Variants in RABGAP1 observed in about 807,000 individuals in gnomAD.
RABGAP1 encodes RAB GTPase activating protein 1, also known as rab GTPase-activating protein 1.
Under a neutral mutation model 137.6 loss-of-function variants are expected in RABGAP1, and 23 were observed. The observed-to-expected ratio is 0.17, with a 90% CI of 0.12 to 0.24. RABGAP1 has a LOEUF of 0.24. Among genes scored for constraint, RABGAP1 ranks in the 10% least tolerant of loss-of-function variants. The probability of loss-of-function intolerance (pLI) is 1.00; values close to 1 mark genes in which losing one functional copy is unlikely to be tolerated. For missense variants in RABGAP1, 906 were observed against 1,275.8 expected, an observed-to-expected ratio of 0.71 and a Z score of 4.42; for synonymous variants, 451 against 450.7, an observed-to-expected ratio of 1.00 and a Z score of -0.01.
intron 12 of RABGAP1, among the ~76,000 whole-genome samples, chr9:123,019,530 G>A (rs1472514374): frequency 1.3e-5 from 2 of 151,980 alleles, no homozygotes; most frequent in African/African-American, 2.4e-5. Flanking sequence ...ACCTAGGCTG[G>A]TCCAGAACTC....
intron 13 of RABGAP1, among the ~76,000 whole-genome samples, chr9:123,040,253 T>C (rs756512014): frequency 2.8e-4 from 42 of 152,294 alleles, no homozygotes; most frequent in Middle Eastern, 3.4e-3. Context: ...CTGTTTTTTG[T>C]GGGGTACAAT....
intron 13 of RABGAP1, among the ~76,000 whole-genome samples, chr9:123,058,695 T>C (rs1358942620): frequency 6.6e-6 from 1 of 152,212 alleles, no homozygotes; most frequent in Non-Finnish European, 1.5e-5. Context: ...TACAGTATAG[T>C]TTTAAATAGA....
chr9:123,000,403 C>G (rs901582710), intron 10 of RABGAP1, among the ~76,000 whole-genome samples: 7 of 152,022 alleles, frequency 4.6e-5, no homozygotes, highest in African/African-American at 1.7e-4. Flanking sequence ...TTTTACTTTC[C>G]TTTGTAGCAA....
chr9:122,997,650 A>C (rs1248546055), intron 9 of RABGAP1, among the ~76,000 whole-genome samples: 2 of 151,950 alleles, frequency 1.3e-5, no homozygotes, highest in East Asian at 1.9e-4. Flanking sequence ...TACAGAGGTA[A>C]TCCATGCACA....
chr9:123,092,428 C>T (rs1232581334), intron 21 of RABGAP1, among the ~76,000 whole-genome samples: 1 of 152,106 alleles, frequency 6.6e-6, no homozygotes, highest in Non-Finnish European at 1.5e-5. Context: ...TTACCTCAGC[C>T]TTGAGAGAAC....
chr9:122,966,380 C>T (rs771686353), intron 2 of RABGAP1, among the ~76,000 whole-genome samples: 13 of 151,898 alleles, frequency 8.6e-5, no homozygotes, highest in Middle Eastern at 3.4e-3. Context: ...CAAAATTAGC[C>T]GGTCATGGTG....
At chr9:122,956,945 A>C in intron 1 of RABGAP1, 66 bp from the exon 2 acceptor site, 2 of 820,994 alleles carry the variant, frequency 2.4e-6, no homozygotes, top group Non-Finnish European at 3.3e-6. Flanking sequence ...TTGTGTAAGA[A>C]GTACAGTGTA....
chr9:123,002,598 A>G (rs548701446), intron 10 of RABGAP1, among the ~76,000 whole-genome samples: 9 of 151,770 alleles, frequency 5.9e-5, no homozygotes, highest in African/African-American at 1.9e-4. Context: ...AGAAGAATAT[A>G]TCTTTCTATG....
intron 13 of RABGAP1, among the ~76,000 whole-genome samples, chr9:123,050,746 T>G (rs1420064879): frequency 1.3e-5 from 2 of 152,184 alleles, no homozygotes; most frequent in Admixed American, 1.3e-4. Context: ...GGCTATGAGG[T>G]CCTGTATTAT....
At chr9:123,038,864 A>T (rs1463292732) in intron 13 of RABGAP1, among the ~76,000 whole-genome samples, 1 of 152,102 alleles carries the variant, frequency 6.6e-6, no homozygotes, top group African/African-American at 2.4e-5. Context: ...AAAGGGCATC[A>T]TATAGTAAAA....
intron 1 of RABGAP1, among the ~76,000 whole-genome samples, chr9:122,950,995 A>G (rs1327868179): frequency 1.3e-5 from 2 of 152,216 alleles, no homozygotes; most frequent in African/African-American, 4.8e-5. Context: ...TGGAAGTAAG[A>G]AATAATTCTT....
At chr9:122,973,727 C>A (rs1413845962) in intron 2 of RABGAP1, among the ~76,000 whole-genome samples, 1 of 151,938 alleles carries the variant, frequency 6.6e-6, no homozygotes, top group East Asian at 1.9e-4. Flanking sequence ...ACCTGATAAT[C>A]TGCTGGACGT....
rs1232037258 is a variant in RABGAP1, at chr9:122,986,273, T to G, written c.444T>G (p.Ser148Arg). 1.2e-6 allele frequency: 2 copies of G among 1,614,208 alleles called. No homozygotes were observed. The highest frequency in any genetic ancestry group is 2.2e-5 in the East Asian group (1 of 44,884). Residue 148 changes from serine to arginine, a missense_variant, in exon 4 of 26, where the codon AGT becomes AGG. By Grantham distance (110) the Ser-to-Arg change is moderately radical. This residue lies in a region of RABGAP1 where 331 missense variants were observed against 358.3 expected (regional missense o/e 0.92). Transcript: ENST00000373647. The part of the protein sequence containing the change: ...PVADEDSVVF[S>R]KLTYLGCASV... ...CCGATGAGGACAGCGTAGTTTTCAG[T>G]AAACTGACTTACTTAGGCTGTGCCT... is the stretch of plus-strand genomic sequence containing the variant.
chr9:122,965,491 C>G (rs2131660846), intron 2 of RABGAP1, among the ~76,000 whole-genome samples: 1 of 152,330 alleles, frequency 6.6e-6, no homozygotes, highest in East Asian at 1.9e-4. Context: ...TCAAGAGTTT[C>G]TCCTGCCTCA....
chr9:122,987,968 G>A (rs1207327884), intron 4 of RABGAP1, among the ~76,000 whole-genome samples: 2 of 152,118 alleles, frequency 1.3e-5, no homozygotes, highest in East Asian at 1.9e-4. Context: ...TGGTGACAGA[G>A]TAATAGCTGT....
chr9:123,099,921 C>A (rs2035290795), intron 24 of RABGAP1, among the ~76,000 whole-genome samples: 1 of 152,196 alleles, frequency 6.6e-6, no homozygotes, highest in South Asian at 2.1e-4. Context: ...TGTCACTTTC[C>A]AGTGTTGTTC....
At chr9:122,950,241 C>T (rs1011632757) in intron 1 of RABGAP1, among the ~76,000 whole-genome samples, 14 of 151,844 alleles carry the variant, frequency 9.2e-5, no homozygotes, top group Non-Finnish European at 7.4e-5. Flanking sequence ...AAGTCAATGA[C>T]ATGAGGGATA....
chr9:123,047,557 T>C (rs1174719294), intron 13 of RABGAP1, among the ~76,000 whole-genome samples: 2 of 152,214 alleles, frequency 1.3e-5, no homozygotes, highest in Non-Finnish European at 2.9e-5. Context: ...GGTTTACTTA[T>C]AGCTTTATAC....
intron 12 of RABGAP1, among the ~76,000 whole-genome samples, chr9:123,017,304 T>G (rs979665569): frequency 1.3e-4 from 20 of 152,212 alleles, no homozygotes; most frequent in African/African-American, 4.8e-4. Context: ...CTTATACAAC[T>G]TGGAATTCGT....
Sources: allele counts gnomAD v4.1 joint callset (sites outside exome capture counted in the v4.1 genomes callset), GRCh38; gene constraint gnomAD v4.1.1; regional missense constraint gnomAD v4.1.1; transcripts MANE v1.5; gene names NCBI Gene and HGNC (gene_info 2026-07-23, HGNC 2026-07-21).